Variants in EDA observed in about 807,000 individuals in gnomAD.
EDA encodes ectodysplasin A.
EDA carries 2 observed loss-of-function variants against 23.6 expected under a neutral mutation model. That is an observed-to-expected ratio of 0.08 (90% CI 0.03 to 0.27). The LOEUF (loss-of-function observed/expected upper bound fraction) is 0.27. EDA is among the 10% of genes least tolerant of loss of function. The pLI, the probability that EDA is intolerant of heterozygous loss-of-function variation, is 1.00. For missense variants in EDA, 229 were observed against 324.2 expected (o/e 0.71, Z 2.26); for synonymous variants, 131 against 132.0 (o/e 0.99, Z 0.05).
chrX:69,645,583 T>TA lies in EDA; in HGVS notation c.396+28879_396+28880insA, dbSNP rs1223276975. On this transcript the variant is annotated intron_variant, in intron 1 of 7. Coordinates refer to ENST00000374552, the MANE Select transcript of EDA (RefSeq NM_001399.5). ...TGGTTGCTCTTAGTTCTCTAGTTCT[T>TA]TTATATATATGTGTGTGTGTATATA... Among the ~76,000 whole-genome samples the TA allele has an allele frequency of 9.6e-5, 5 of 51,838 alleles. No individual in the cohort carries two copies. The East Asian group carries it at 0.13, about 1,329-fold the overall frequency. 45.0% of individuals were successfully genotyped at this position (51,838 alleles called of 115,157 possible).
chrX:69,625,033 C>T (rs1932331403), intron 1 of EDA, among the ~76,000 whole-genome samples: 1 of 111,216 alleles, frequency 9.0e-6, no homozygotes, highest in Non-Finnish European at 1.9e-5. Context: ...TTACTAGAAG[C>T]AGAATCAGCT....
chrX:70,021,331 C>T (rs943147344), intron 2 of EDA, among the ~76,000 whole-genome samples: 1 of 111,805 alleles, frequency 8.9e-6, no homozygotes, highest in Non-Finnish European at 1.9e-5. Flanking sequence ...CCAGCTGAAA[C>T]GGTCAAAAAC....
chrX:69,829,195 G>T (rs1387559368), intron 1 of EDA, among the ~76,000 whole-genome samples: 1 of 112,163 alleles, frequency 8.9e-6, no homozygotes, highest in Non-Finnish European at 1.9e-5. Context: ...TAAATCCCTA[G>T]TTCCCAACAC....
At chrX:69,786,303 T>G (rs1329362427) in intron 1 of EDA, among the ~76,000 whole-genome samples, 1 of 110,259 alleles carries the variant, frequency 9.1e-6, no homozygotes, top group Non-Finnish European at 1.9e-5. Context: ...AGTTCTGCTC[T>G]GATTTTAGTT....
chrX:70,036,824 C>T lies in EDA; in HGVS notation c.*1215C>T, dbSNP rs2020274905. On this transcript the variant is annotated 3_prime_UTR_variant, in exon 8 of 8. Transcript: ENST00000374552. ...AACCCAAGTGGACGTTAGGCCAGGC[C>T]TTATCTGAAAGGCCAGCAGCTGATG... The T allele has an allele frequency of 8.9e-6, 1 of 112,864 alleles. No homozygotes were observed. Among genetic ancestry groups the T allele is most frequent in the East Asian group, 2.8e-4 (1 of 3,579 alleles). 9.3% of individuals were successfully genotyped at this position (112,864 alleles called of 1,213,427 possible).
At chrX:69,794,674 A>C (rs771636891) in intron 1 of EDA, among the ~76,000 whole-genome samples, 1 of 112,385 alleles carries the variant, frequency 8.9e-6, no homozygotes, top group Non-Finnish European at 1.9e-5. Context: ...ATAAGGTGAG[A>C]TGTTGGTGGC....
chrX:69,988,944 C>T (rs990008388), intron 2 of EDA, among the ~76,000 whole-genome samples: 34 of 111,201 alleles, frequency 3.1e-4, no homozygotes, highest in Non-Finnish European at 6.2e-4. Context: ...TAGGGAGGCC[C>T]GGTGGAAAGC....
At chrX:69,655,375 C>G (rs762566219) in intron 1 of EDA, among the ~76,000 whole-genome samples, 24 of 111,167 alleles carry the variant, frequency 2.2e-4, no homozygotes, top group South Asian at 1.6e-3. Context: ...GCCTGGGCAA[C>G]GAGGGAAACT....
rs753451374 is a variant in EDA, at chrX:69,826,612, T to A, written c.397-130415T>A. Among the ~76,000 whole-genome samples, 840 of 109,591 alleles carry A rather than the reference T, an allele frequency of 7.7e-3. 4 individuals carry two copies. Among genetic ancestry groups the A allele is most frequent in the Non-Finnish European group, 0.014 (710 of 52,558 alleles). On this transcript the variant is annotated intron_variant, in intron 1 of 7. Transcript: ENST00000374552. ...GTGTGTCTCTGCACGTGAGATGGGT[T>A]TCCTGAATATAGCACACTGATGGGT...
chrX:69,641,772 G>A lies in EDA; in HGVS notation c.396+25068G>A, dbSNP rs188241920. On this transcript the variant is annotated intron_variant, in intron 1 of 7. Transcript: ENST00000374552. Reference sequence around the variant, plus strand: ...TAATGGTGCAGCAAGAATTATGTTAGGACTCTCATGGGTACATTCTATTTA... The same window carrying A: ...TAATGGTGCAGCAAGAATTATGTTAAGACTCTCATGGGTACATTCTATTTA... Among the ~76,000 whole-genome samples, 20 of 111,407 alleles carry A rather than the reference G, an allele frequency of 1.8e-4. No individual in the cohort carries two copies. The South Asian group carries it at 7.6e-3, about 42-fold the overall frequency.
At chrX:69,648,722 C>G (rs1367287842) in intron 1 of EDA, among the ~76,000 whole-genome samples, 2 of 111,848 alleles carry the variant, frequency 1.8e-5, no homozygotes, top group Non-Finnish European at 3.8e-5. Context: ...AACTGCTTGG[C>G]TCCCTGGAAT....
At chrX:69,750,482 T>C (rs1479273782) in intron 1 of EDA, among the ~76,000 whole-genome samples, 1 of 110,583 alleles carries the variant, frequency 9.0e-6, no homozygotes, top group Non-Finnish European at 1.9e-5. Flanking sequence ...GCAGTAAACA[T>C]ACGTGTGCGT....
At chrX:69,762,916 G>T (rs754586129) in intron 1 of EDA, among the ~76,000 whole-genome samples, 4 of 112,105 alleles carry the variant, frequency 3.6e-5, no homozygotes, top group Non-Finnish European at 5.6e-5. Context: ...TGGGACAAAG[G>T]AACTACTTTT....
At chrX:69,727,662 AC>A (rs1384724936) in intron 1 of EDA, among the ~76,000 whole-genome samples, 3 of 111,903 alleles carry the variant, frequency 2.7e-5, no homozygotes, top group African/African-American at 9.7e-5. Context: ...GCTGTACTGT[AC>A]CATCTCCTTT....
At chrX:69,748,571 GAAAA>G (rs1213524258) in intron 1 of EDA, among the ~76,000 whole-genome samples, 1 of 111,306 alleles carries the variant, frequency 9.0e-6, no homozygotes, top group Non-Finnish European at 1.9e-5. Flanking sequence ...AAAGAAAAAA[GAAAA>G]GAAAGGCATC....
intron 1 of EDA, among the ~76,000 whole-genome samples, chrX:69,913,908 G>A (rs2018304902): frequency 9.0e-6 from 1 of 111,602 alleles, no homozygotes; most frequent in Non-Finnish European, 1.9e-5. Context: ...AGAGATGGGG[G>A]AACAGCTGGT....
At chrX:69,916,437 C>CT in intron 1 of EDA, among the ~76,000 whole-genome samples, 1 of 77,934 alleles carries the variant, frequency 1.3e-5, no homozygotes, top group East Asian at 4.4e-4. Flanking sequence ...GAGTCTCACT[C>CT]TGTCACCCAG....
intron 1 of EDA, among the ~76,000 whole-genome samples, chrX:69,890,240 C>T (rs939879059): frequency 1.8e-5 from 2 of 111,050 alleles, no homozygotes; most frequent in Admixed American, 9.6e-5. Flanking sequence ...CACAAACTAA[C>T]GGAAAAACAT....
intron 2 of EDA, among the ~76,000 whole-genome samples, chrX:69,962,618 G>C (rs797016740): frequency 9.0e-6 from 1 of 110,564 alleles, no homozygotes; most frequent in Non-Finnish European, 1.9e-5. Flanking sequence ...TTTAGTAGAG[G>C]CAGGGTTTCA....
Sources: gnomAD v4.1 joint callset for allele counts (sites outside exome capture counted in the v4.1 genomes callset) on GRCh38, gnomAD v4.1.1 for gene constraint, MANE v1.5 for transcripts, NCBI Gene and HGNC (gene_info 2026-07-23, HGNC 2026-07-21) for gene names.